The following MLST8 variants were observed in gnomAD, a reference collection of about 807,000 sequenced individuals.
MLST8 encodes MTOR associated protein MLST8.
In MLST8, 20 loss-of-function variants were observed where a neutral mutation model predicts 41.3. The observed-to-expected ratio is 0.48, with a 90% CI of 0.34 to 0.70. The LOEUF is 0.70. MLST8 is among the 30% of genes least tolerant of loss of function. MLST8 has a pLI of 0.01. For synonymous variants in MLST8, 243 were observed against 183.0 expected, an observed-to-expected ratio of 1.33 and a Z score of -2.65; for missense variants, 422 against 454.3, an observed-to-expected ratio of 0.93 and a Z score of 0.65.
At chr16:2,205,580 A>C in intron 1 of MLST8, 68 bp downstream of exon 1, 143 of 643,824 alleles carry the variant, frequency 2.2e-4, no homozygotes, top group Non-Finnish European at 2.6e-4. Context: ...GGCCAGGGGA[A>C]GCCGGCCAGC....
chr16:2,208,202 A>T lies in MLST8; in HGVS notation c.574-8A>T. The T allele has an allele frequency of 6.2e-7, 1 of 1,601,314 alleles. No individual in the cohort carries two copies. Among genetic ancestry groups the T allele is most frequent in the Non-Finnish European group, 8.5e-7 (1 of 1,171,358 alleles). ...TGGGCCCTCCGTGACGGTCCTCCTG[A>T]CCTCTAGGGAAACTGCTATGTCTGG... On this transcript the variant is annotated splice_polypyrimidine_tract_variant and splice_region_variant and intron_variant, in intron 6 of 8. Coordinates refer to ENST00000569417, the MANE Select transcript of MLST8 (RefSeq NM_022372.6).
rs2093327086 is a variant in MLST8, at chr16:2,207,901, C to T, written c.574-309C>T. 2.0e-5 allele frequency: 6 copies of T among 307,312 alleles called. No homozygotes were observed. The East Asian group carries it at 3.1e-4, about 16-fold the overall frequency. 19.0% of individuals were successfully genotyped at this position (307,312 alleles called of 1,614,324 possible). A position where few individuals can be genotyped will look rare whatever the true frequency, so the allele number is the denominator to read the frequency against. ...GCCCCCGGATTTCCCTTCTGCTGGC[C>T]TTTGTCATGCTGTCTCTCTAGCTGG... is the stretch of plus-strand genomic sequence containing the variant. On this transcript the variant is annotated intron_variant, in intron 6 of 8. Coordinates refer to ENST00000569417, the MANE Select transcript of MLST8 (RefSeq NM_022372.6).
chr16:2,208,645 G>GC, intron 8 of MLST8, 32 bp downstream of exon 8: 7 of 1,611,704 alleles, frequency 4.3e-6, no homozygotes, highest in Non-Finnish European at 5.9e-6. Flanking sequence ...CCCATCCCTG[G>GC]CCCCCGGCGC....
At position 2,209,098 on chromosome 16, in the gene MLST8, T is replaced by C. The variant is rs942690970; in HGVS notation, c.*221T>C. The C allele has an allele frequency of 1.9e-5, 12 of 644,138 alleles. No homozygotes were observed. Among genetic ancestry groups the C allele is most frequent in the Non-Finnish European group, 3.2e-5 (12 of 373,570 alleles). The allele number at this position is 644,138 out of a possible 1,614,324, so 39.9% of individuals were successfully genotyped here. On this transcript the variant is annotated 3_prime_UTR_variant, in exon 9 of 9. Coordinates refer to ENST00000569417, the MANE Select transcript of MLST8 (RefSeq NM_022372.6). ...CGACCCAAGCCAGGCTGCACACTCC[T>C]GGACTGGGCTAGCCTGCACTGCCTG...
At chr16:2,206,300 G>C in intron 2 of MLST8, 58 bp from the exon 3 acceptor site, 1 of 1,609,554 alleles carries the variant, frequency 6.2e-7, no homozygotes, top group Non-Finnish European at 8.5e-7. Context: ...AGATGGTGGA[G>C]GCCTGGGGGG....
chr16:2,206,571 A>T lies in MLST8; in HGVS notation c.256A>T (p.Lys86Ter). 6.2e-7 allele frequency: 1 copy of T among 1,614,082 alleles called. No individual in the cohort carries two copies. Among genetic ancestry groups the T allele is most frequent in the Non-Finnish European group, 8.5e-7 (1 of 1,179,992 alleles). The change falls in exon 4 of 9, where the codon AAG becomes TAG. Residue 86 changes from lysine (K) to a stop codon, truncating the protein, a stop_gained. Coordinates refer to ENST00000569417, the MANE Select transcript of MLST8 (RefSeq NM_022372.6). LOFTEE classifies it high-confidence loss of function. ...NPIISYDGVN[K>*]NIASVGFHED... is the part of the protein sequence containing the mutation. ...CATCATCAGCTACGACGGCGTCAAC[A>T]AGAACATCGCGTCTGTGGGCTTCCA...
chr16:2,207,931 C>T (rs2093327895), intron 6 of MLST8: 5 of 365,730 alleles, frequency 1.4e-5, no homozygotes, highest in Non-Finnish European at 2.0e-5. Flanking sequence ...AGCTGGTGCC[C>T]TTCTCCTGTC....
In MLST8 at chr16:2,205,814, C is replaced by T. The variant is rs544065430; in HGVS notation, c.-55-217C>T. The stretch of plus-strand genomic sequence containing the variant: ...GCCGGCTGCGGAGGTGGGGGGGGGA[C>T]GGCGCCCCCGCCGTGTGCGTGGGGC... On this transcript the variant is annotated intron_variant, in intron 1 of 8. Transcript: ENST00000569417. 31 of 1,118,218 alleles carry T rather than the reference C, an allele frequency of 2.8e-5. No individual in the cohort carries two copies. The African/African-American group carries it at 3.3e-4, about 12-fold the overall frequency. 69.3% of individuals were successfully genotyped at this position (1,118,218 alleles called of 1,614,324 possible).
At position 2,207,024 on chromosome 16, in the gene MLST8, C is replaced by T. The variant is rs769036084; in HGVS notation, c.345-11C>T. On this transcript the variant is annotated splice_polypyrimidine_tract_variant and intron_variant, in intron 4 of 8. Transcript: ENST00000569417. ...CCAGATGGACAGCATGTGCCCCGGCCCGGCCCGCAGGTCCCGGAACCTGCA... is the reference window on the plus strand; with the variant it reads ...CCAGATGGACAGCATGTGCCCCGGCTCGGCCCGCAGGTCCCGGAACCTGCA... 1.2e-6 allele frequency: 2 copies of T among 1,612,714 alleles called. No homozygotes were observed. The highest frequency in any genetic ancestry group is 2.2e-5 in the South Asian group (2 of 91,018).
rs750874624 is a variant in MLST8 at position 2,207,017 on chromosome 16, C to CCCCGG, written c.345-8_345-4dup. 12 of 1,611,980 alleles carry CCCCGG rather than the reference C, an allele frequency of 7.4e-6. No homozygotes were observed. Among genetic ancestry groups the CCCCGG allele is most frequent in the Admixed American group, 1.7e-5 (1 of 59,924 alleles). The stretch of plus-strand genomic sequence containing the variant: ...AACAAGCCCAGATGGACAGCATGTG[C>CCCCGG]CCCGGCCCGGCCCGCAGGTCCCGGA... On this transcript the variant is annotated splice_polypyrimidine_tract_variant and intron_variant, in intron 4 of 8. Coordinates refer to ENST00000569417, the MANE Select transcript of MLST8 (RefSeq NM_022372.6).
At chr16:2,207,621 G>A (rs1361623395) in intron 6 of MLST8, 1 of 492,676 alleles carries the variant, frequency 2.0e-6, no homozygotes, top group Non-Finnish European at 3.7e-6. Flanking sequence ...AGTCACCCTT[G>A]TTTCTGGTGA....
At position 2,208,897 on chromosome 16, in the gene MLST8, G is replaced by C; in HGVS notation, c.*20G>C. 6.2e-7 allele frequency: 1 copy of C among 1,611,270 alleles called. No individual in the cohort carries two copies. The highest frequency in any genetic ancestry group is 8.5e-7 in the Non-Finnish European group (1 of 1,179,536). On this transcript the variant is annotated 3_prime_UTR_variant, in exon 9 of 9. Transcript: ENST00000569417. ...GGCTAGCCTGTGACCCCTCGGGACT[G>C]CCTGGTGCAGGTGGTGGCAGCTGGA... is the stretch of plus-strand genomic sequence containing the variant.
intron 4 of MLST8, 26 bp from the exon 5 acceptor site, chr16:2,207,009 A>T: frequency 6.2e-7 from 1 of 1,611,728 alleles, no homozygotes; most frequent in East Asian, 2.2e-5. Context: ...CCAGATGGAC[A>T]GCATGTGCCC....
rs138998869 is a variant in MLST8 at position 2,206,233 on chromosome 16, G to A, written c.129+19G>A. 8.7e-6 allele frequency: 14 copies of A among 1,602,320 alleles called. No homozygotes were observed. The highest frequency in any genetic ancestry group is 1.3e-5 in the African/African-American group (1 of 74,862). On this transcript the variant is annotated intron_variant, in intron 2 of 8. Transcript: ENST00000569417. Reference sequence around the variant, plus strand: ...GGACTCCGTATCCTCCACCCGGGGCGGGCAGGGCGGCGCTGGGGGGATGCC... The same window carrying A: ...GGACTCCGTATCCTCCACCCGGGGCAGGCAGGGCGGCGCTGGGGGGATGCC...
chr16:2,208,423 T>C (rs1190677640), intron 7 of MLST8, 27 bp from the exon 8 acceptor site: 2 of 1,610,162 alleles, frequency 1.2e-6, no homozygotes, highest in Non-Finnish European at 1.7e-6. Context: ...TGGCTGCTGC[T>C]GGACACGCCC....
At position 2,208,337 on chromosome 16, in the gene MLST8, G is replaced by A; in HGVS notation, c.698+3G>A. On this transcript the variant is annotated splice_donor_region_variant and intron_variant, in intron 7 of 8. Coordinates refer to ENST00000569417, the MANE Select transcript of MLST8 (RefSeq NM_022372.6). Reference sequence around the variant, plus strand: ...TGTCGCTTCAGCCCCGACTCCACGTGCGTGCAGGGCCTGCTGGCCCGGGAG... The same window carrying A: ...TGTCGCTTCAGCCCCGACTCCACGTACGTGCAGGGCCTGCTGGCCCGGGAG... The A allele has an allele frequency of 6.2e-7, 1 of 1,605,014 alleles. No homozygotes were observed.
At chr16:2,205,957 G>T in intron 1 of MLST8, 74 bp from the exon 2 acceptor site, 2 of 1,457,334 alleles carry the variant, frequency 1.4e-6, no homozygotes, top group East Asian at 2.3e-5. Flanking sequence ...AGCGCCATTC[G>T]GCAGCGCCTT....
chr16:2,206,666 T>C lies in MLST8; in HGVS notation c.344+7T>C, dbSNP rs745597906. The C allele has an allele frequency of 2.0e-6, 3 of 1,524,116 alleles. No individual in the cohort carries two copies. In the African/African-American group the frequency reaches 4.2e-5, roughly 21 times the overall value. 94.4% of individuals were successfully genotyped at this position (1,524,116 alleles called of 1,614,324 possible). A position where few individuals can be genotyped will look rare whatever the true frequency, so the allele number is the denominator to read the frequency against. On this transcript the variant is annotated splice_region_variant and intron_variant, in intron 4 of 8. Coordinates refer to ENST00000569417, the MANE Select transcript of MLST8 (RefSeq NM_022372.6). ...CCAGGATCTGGGACCTCAGGTGCGG[T>C]GGGGAGGGGGCGTGCTGCCCGGGGC...
chr16:2,205,807 G>C (rs757379497), intron 1 of MLST8: 31 of 1,117,020 alleles, frequency 2.8e-5, no homozygotes, highest in African/African-American at 1.2e-4. Context: ...CGGAGGTGGG[G>C]GGGGGACGGC....
Sources: allele counts gnomAD v4.1 joint callset, GRCh38; gene constraint gnomAD v4.1.1; transcripts MANE v1.5; gene names NCBI Gene and HGNC (gene_info 2026-07-23, HGNC 2026-07-21).